Variants in SDK1 observed in about 807,000 individuals in gnomAD.
SDK1 encodes protein sidekick-1.
A neutral mutation model predicts 245.5 loss-of-function variants in SDK1; 157 were observed. The observed-to-expected ratio is 0.64, with a 90% CI of 0.56 to 0.73. SDK1 has a LOEUF of 0.73. Among genes scored for constraint, SDK1 ranks in the 30% least tolerant of loss-of-function variants. The probability of loss-of-function intolerance (pLI) is 0.00; values close to 1 mark genes in which losing one functional copy is unlikely to be tolerated. For synonymous variants in SDK1, 1,647 were observed against 1,278.5 expected (o/e 1.29, Z -6.15); for missense variants, 3,583 against 3,002.3 (o/e 1.19, Z -4.52).
intron 1 of SDK1, among the ~76,000 whole-genome samples, chr7:3,603,781 C>G (rs560167471): frequency 1.3e-5 from 2 of 152,236 alleles, no homozygotes; most frequent in Admixed American, 1.3e-4. Context: ...GGGAATGCTT[C>G]TAGTTTTTGC....
chr7:3,887,765 C>T (rs550369844), intron 5 of SDK1, among the ~76,000 whole-genome samples: 3 of 152,218 alleles, frequency 2.0e-5, no homozygotes, highest in Admixed American at 1.3e-4. Context: ...ATCTCATTGG[C>T]CTGAAATATC....
intron 5 of SDK1, among the ~76,000 whole-genome samples, chr7:3,930,708 A>G (rs2040937): frequency 0.26 from 39,702 of 152,022 alleles, 5,545 homozygotes; most frequent in Middle Eastern, 0.39. Context: ...CAAGAGAATC[A>G]CTTAAAACTG....
At chr7:4,149,218 G>A (rs374307611) in intron 29 of SDK1, 44 bp from the exon 30 acceptor site, 10 of 1,430,564 alleles carry the variant, frequency 7.0e-6, no homozygotes, top group Admixed American at 2.7e-5. Context: ...CCTTGGGAAG[G>A]GCAGCCTCTC....
chr7:3,597,779 C>G (rs1050542915), intron 1 of SDK1, among the ~76,000 whole-genome samples: 1 of 152,148 alleles, frequency 6.6e-6, no homozygotes, highest in African/African-American at 2.4e-5. Flanking sequence ...ACTTTTTTCA[C>G]CCATCAAAAT....
At chr7:3,591,175 A>G (rs1219650443) in intron 1 of SDK1, among the ~76,000 whole-genome samples, 1 of 152,228 alleles carries the variant, frequency 6.6e-6, no homozygotes, top group African/African-American at 2.4e-5. Flanking sequence ...ACCTGTAGGC[A>G]GTTCAAGGTG....
chr7:3,354,171 T>C (rs1780733354), intron 1 of SDK1, among the ~76,000 whole-genome samples: 1 of 151,962 alleles, frequency 6.6e-6, no homozygotes, highest in South Asian at 2.1e-4. Flanking sequence ...GCTAATTTTT[T>C]GTATTTTTAG....
chr7:4,185,024 C>T (rs901276888), intron 35 of SDK1, among the ~76,000 whole-genome samples: 7 of 152,200 alleles, frequency 4.6e-5, no homozygotes, highest in Admixed American at 2.6e-4. Context: ...GCATATCTGT[C>T]CCCAAACTAG....
chr7:4,204,026 C>T (rs1455436039), intron 35 of SDK1, among the ~76,000 whole-genome samples: 1 of 152,214 alleles, frequency 6.6e-6, no homozygotes, highest in Non-Finnish European at 1.5e-5. Flanking sequence ...CCAGTTCCTA[C>T]AGGCGGATAT....
At chr7:4,177,034 G>A (rs1320784517) in intron 34 of SDK1, among the ~76,000 whole-genome samples, 3 of 152,236 alleles carry the variant, frequency 2.0e-5, no homozygotes, top group African/African-American at 7.2e-5. Context: ...CAGGCAGGAG[G>A]GAGGGGCTGG....
intron 1 of SDK1, among the ~76,000 whole-genome samples, chr7:3,565,846 C>A (rs1350668919): frequency 6.6e-6 from 1 of 152,250 alleles, no homozygotes; most frequent in African/African-American, 2.4e-5. Flanking sequence ...AGTACAAATG[C>A]AATTTTTTCC....
At chr7:4,187,969 C>T (rs899726306) in intron 35 of SDK1, among the ~76,000 whole-genome samples, 6 of 146,058 alleles carry the variant, frequency 4.1e-5, no homozygotes, top group South Asian at 2.4e-4. Context: ...GTGAAAGGCA[C>T]GTCTTAAATG....
chr7:3,588,732 C>T (rs1336240581), intron 1 of SDK1, among the ~76,000 whole-genome samples: 1 of 152,154 alleles, frequency 6.6e-6, no homozygotes, highest in Non-Finnish European at 1.5e-5. Flanking sequence ...TTTAGTTTCT[C>T]CTTGCTATCA....
intron 4 of SDK1, among the ~76,000 whole-genome samples, chr7:3,668,364 A>C (rs1219086967): frequency 6.6e-6 from 1 of 152,208 alleles, no homozygotes; most frequent in Non-Finnish European, 1.5e-5. Context: ...ATCAGAGTTA[A>C]TGACCAGAGA....
At chr7:3,474,091 GTTTTTTTTTTTTTTTTTT>G (rs869083123) in intron 1 of SDK1, among the ~76,000 whole-genome samples, 4 of 43,228 alleles carry the variant, frequency 9.3e-5, no homozygotes, top group African/African-American at 1.0e-4. Context: ...ACCAGATGGT[GTTTTTTTTTTTTTTTTTT>G]TTTTTTTTTT....
chr7:3,725,689 C>A (rs1297052787), intron 4 of SDK1, among the ~76,000 whole-genome samples: 1 of 152,170 alleles, frequency 6.6e-6, no homozygotes, highest in African/African-American at 2.4e-5. Flanking sequence ...CCTGGAGCCC[C>A]AGCCGTAAGT....
chr7:3,476,577 CAT>C (rs1419716478), intron 1 of SDK1, among the ~76,000 whole-genome samples: 9 of 152,196 alleles, frequency 5.9e-5, no homozygotes, highest in Non-Finnish European at 1.3e-4. Flanking sequence ...TTTCAGAATA[CAT>C]ATGTGTTTTC....
At chr7:3,790,526 C>G (rs561336479) in intron 4 of SDK1, among the ~76,000 whole-genome samples, 1 of 152,146 alleles carries the variant, frequency 6.6e-6, no homozygotes, top group South Asian at 2.1e-4. Flanking sequence ...GTCTAACAGT[C>G]GGCCAGGCGT....
intron 4 of SDK1, among the ~76,000 whole-genome samples, chr7:3,746,666 A>G (rs115671025): frequency 2.0e-5 from 3 of 152,242 alleles, no homozygotes; most frequent in Non-Finnish European, 4.4e-5. Context: ...CATAAGAAAT[A>G]CCTCATCATT....
rs2128184450 is a variant in SDK1, at chr7:4,093,464, A to AG, written c.3324+13880_3324+13881insG. Among the ~76,000 whole-genome samples the AG allele has an allele frequency of 3.7e-5, 3 of 81,848 alleles. No individual in the cohort carries two copies. In the South Asian group the frequency reaches 1.3e-3, roughly 34 times the overall value. 53.7% of individuals were successfully genotyped at this position (81,848 alleles called of 152,430 possible). On this transcript the variant is annotated intron_variant, in intron 22 of 44. Coordinates refer to ENST00000404826, the MANE Select transcript of SDK1 (RefSeq NM_152744.4). Reference sequence around the variant, plus strand: ...TCATTCTGAAAATGGAAAGCAAAAAAAAAAAAAAAAAAAAAAAAAGTCCCA... The same window carrying AG: ...TCATTCTGAAAATGGAAAGCAAAAAAGAAAAAAAAAAAAAAAAAAAGTCCCA...
Sources: gnomAD v4.1 joint callset for allele counts (sites outside exome capture counted in the v4.1 genomes callset) on GRCh38, gnomAD v4.1.1 for gene constraint, MANE v1.5 for transcripts, NCBI Gene and HGNC (gene_info 2026-07-23, HGNC 2026-07-21) for gene names.